The following ARHGAP22 variants were observed in gnomAD, a reference collection of about 807,000 sequenced individuals.
The protein encoded by ARHGAP22 is rho GTPase-activating protein 22.
ARHGAP22 carries 48 observed loss-of-function variants against 59.1 expected under a neutral mutation model. The ratio of observed to expected loss-of-function variants is 0.81; its 90% confidence interval spans 0.64 to 1.03. The LOEUF (loss-of-function observed/expected upper bound fraction) is 1.03, where lower values mean the gene tolerates loss of function less well. ARHGAP22 is among the 50% of genes least tolerant of loss of function. The pLI, the probability that ARHGAP22 is intolerant of heterozygous loss-of-function variation, is 0.00. For synonymous variants in ARHGAP22, 445 were observed against 416.4 expected, an observed-to-expected ratio of 1.07 and a Z score of -0.84; for missense variants, 1,015 against 958.7, an observed-to-expected ratio of 1.06 and a Z score of -0.78.
At position 48,487,285 on chromosome 10, in the gene ARHGAP22, GC is replaced by G. The variant is rs1197597915; in HGVS notation, c.323-7522del. Among the ~76,000 whole-genome samples, 4 of 152,144 alleles carry G rather than the reference GC, an allele frequency of 2.6e-5. No homozygotes were observed. In the South Asian group the frequency reaches 8.3e-4, roughly 32 times the overall value. ...TGTACAGTGTGGTAGCAGAATAACAGCCCCCCAAAGACATCCACATGCCTGT... is the reference window on the plus strand; with the variant it reads ...TGTACAGTGTGGTAGCAGAATAACAGCCCCCAAAGACATCCACATGCCTGT... On this transcript the variant is annotated intron_variant, in intron 3 of 9. Coordinates refer to ENST00000249601, the MANE Select transcript of ARHGAP22 (RefSeq NM_021226.4).
chr10:48,582,859 G>T, intron 2 of ARHGAP22, 94 bp downstream of exon 2: 2 of 1,414,360 alleles, frequency 1.4e-6, no homozygotes, highest in Non-Finnish European at 2.0e-6. Flanking sequence ...TGGAGTCAGT[G>T]GCTCTGTGCC....
chr10:48,649,517 G>A (rs371965175), intron 1 of ARHGAP22, among the ~76,000 whole-genome samples: 134 of 152,324 alleles, frequency 8.8e-4, no homozygotes, highest in African/African-American at 3.1e-3. Flanking sequence ...AGAGGCCACC[G>A]TCTTTCTCTC....
At chr10:48,570,370 A>G (rs1470266212) in intron 2 of ARHGAP22, among the ~76,000 whole-genome samples, 3 of 152,216 alleles carry the variant, frequency 2.0e-5, no homozygotes, top group Non-Finnish European at 4.4e-5. Flanking sequence ...AAAAAAGGAA[A>G]TATCTGTTGT....
At chr10:48,482,868 G>C (rs1034094071) in intron 3 of ARHGAP22, among the ~76,000 whole-genome samples, 2 of 151,900 alleles carry the variant, frequency 1.3e-5, no homozygotes, top group African/African-American at 4.8e-5. Flanking sequence ...ACCCTGCTAT[G>C]GAACATTAGA....
At chr10:48,467,231 T>TC (rs1221032094) in intron 4 of ARHGAP22, among the ~76,000 whole-genome samples, 1 of 152,212 alleles carries the variant, frequency 6.6e-6, no homozygotes, top group Non-Finnish European at 1.5e-5. Context: ...TTGCCTAAGG[T>TC]CATACAGCTG....
At chr10:48,471,999 G>C (rs1373436821) in intron 4 of ARHGAP22, among the ~76,000 whole-genome samples, 1 of 151,846 alleles carries the variant, frequency 6.6e-6, no homozygotes, top group South Asian at 2.1e-4. Context: ...ATGAGGTCAG[G>C]AGTTGGAGAC....
intron 3 of ARHGAP22, among the ~76,000 whole-genome samples, chr10:48,490,097 G>A (rs1331275794): frequency 2.0e-5 from 3 of 152,108 alleles, no homozygotes; most frequent in Non-Finnish European, 4.4e-5. Context: ...CTCCCTCAAT[G>A]TGGAGCACAG....
rs779692833 is a variant in ARHGAP22 at position 48,481,424 on chromosome 10, C to T, written c.323-1660G>A. Among the ~76,000 whole-genome samples the T allele has an allele frequency of 8.9e-4, 136 of 152,146 alleles. 1 individual carries two copies. Among genetic ancestry groups the T allele is most frequent in the Admixed American group, 8.5e-4 (13 of 15,286 alleles). ...GATGACTTGGAAAAAAAAAAGGAAC[C>T]TGGAGATCCACAGCTCCAGGAATTT... On this transcript the variant is annotated intron_variant, in intron 3 of 9. Coordinates refer to ENST00000249601, the MANE Select transcript of ARHGAP22 (RefSeq NM_021226.4).
intron 3 of ARHGAP22, among the ~76,000 whole-genome samples, chr10:48,552,732 G>A (rs1207478510): frequency 6.6e-6 from 1 of 152,226 alleles, no homozygotes; most frequent in Admixed American, 6.5e-5. Context: ...TCACACGAGA[G>A]GTTTGCTGAG....
At chr10:48,644,906 A>G (rs2062225658) in intron 1 of ARHGAP22, among the ~76,000 whole-genome samples, 1 of 152,100 alleles carries the variant, frequency 6.6e-6, no homozygotes, top group Non-Finnish European at 1.5e-5. Flanking sequence ...AAGAAAGAAT[A>G]AAGAGAAATA....
intron 1 of ARHGAP22, among the ~76,000 whole-genome samples, chr10:48,622,759 T>A (rs1315847841): frequency 6.6e-6 from 1 of 152,130 alleles, no homozygotes; most frequent in Non-Finnish European, 1.5e-5. Context: ...TTAAATGAGA[T>A]CAAGAATTTA....
intron 5 of ARHGAP22, among the ~76,000 whole-genome samples, chr10:48,459,172 T>C (rs1589483299): frequency 1.3e-5 from 1 of 78,702 alleles, no homozygotes; most frequent in Admixed American, 1.6e-4. Context: ...AGGGCCTGGG[T>C]AAGCCCCCAT....
intron 1 of ARHGAP22, among the ~76,000 whole-genome samples, chr10:48,614,027 T>C (rs1040065520): frequency 1.3e-5 from 2 of 152,094 alleles, no homozygotes; most frequent in African/African-American, 4.8e-5. Context: ...CCTCACCAGA[T>C]GCTGGTGCCA....
chr10:48,528,223 T>C lies in ARHGAP22; in HGVS notation c.322+27240A>G, dbSNP rs1023866685. ...CAGGACCTGCCCTCCATAGTTCCAA[T>C]GCAGGAGTCTGGATTGCTCCTCCCC... On this transcript the variant is annotated intron_variant, in intron 3 of 9. Transcript: ENST00000249601. Among the ~76,000 whole-genome samples the C allele has an allele frequency of 2.0e-5, 3 of 152,142 alleles. No individual in the cohort carries two copies. The East Asian group carries it at 5.8e-4, about 29-fold the overall frequency.
At chr10:48,535,988 C>T (rs1268402181) in intron 3 of ARHGAP22, among the ~76,000 whole-genome samples, 1 of 152,204 alleles carries the variant, frequency 6.6e-6, no homozygotes, top group African/African-American at 2.4e-5. Flanking sequence ...CTTGCTGTGG[C>T]CACCTAGCTG....
intron 2 of ARHGAP22, among the ~76,000 whole-genome samples, chr10:48,580,381 G>A (rs2059033425): frequency 1.3e-5 from 2 of 152,150 alleles, no homozygotes; most frequent in African/African-American, 4.8e-5. Context: ...GGGCTCCCAG[G>A]GCCACTTCAA....
intron 8 of ARHGAP22, among the ~76,000 whole-genome samples, chr10:48,452,010 C>T (rs541422759): frequency 6.6e-6 from 1 of 152,144 alleles, no homozygotes; most frequent in East Asian, 1.9e-4. Context: ...CCCAAATTCC[C>T]CCATACACAA....
rs547933822 is a variant in ARHGAP22 at position 48,565,428 on chromosome 10, C to T, written c.235-9878G>A. ...TCCTCCACCAACCCGGCTGAACCTC[C>T]GTTTCCTCCTCTGCAATGTGGAGGT... On this transcript the variant is annotated intron_variant, in intron 2 of 9. Coordinates refer to ENST00000249601, the MANE Select transcript of ARHGAP22 (RefSeq NM_021226.4). 4.6e-5 allele frequency among the ~76,000 whole-genome samples: 7 copies of T among 152,256 alleles called. No individual in the cohort carries two copies. In the South Asian group the frequency reaches 1.0e-3, roughly 23 times the overall value.
chr10:48,648,481 C>T lies in ARHGAP22; in HGVS notation c.52+3753G>A, dbSNP rs543955594. 3.2e-4 allele frequency among the ~76,000 whole-genome samples: 48 copies of T among 152,236 alleles called. No homozygotes were observed. The South Asian group carries it at 9.8e-3, about 31-fold the overall frequency. On this transcript the variant is annotated intron_variant, in intron 1 of 9. Coordinates refer to the ARHGAP22 transcript ENST00000435790. ...GACCATTCACAAGCTCACTGTTTCT[C>T]GGGCCTCTGGTCTGGCAGCATCAGC...
Sources: allele counts gnomAD v4.1 joint callset (sites outside exome capture counted in the v4.1 genomes callset), GRCh38; gene constraint gnomAD v4.1.1; transcripts MANE v1.5; gene names NCBI Gene and HGNC (gene_info 2026-07-23, HGNC 2026-07-21).